Variants in ATXN7 observed in about 807,000 individuals in gnomAD.
The protein encoded by ATXN7 is ataxin 7, also known as ataxin-7.
A neutral mutation model predicts 70.5 loss-of-function variants in ATXN7; 12 were observed. The observed-to-expected ratio is 0.17, with a 90% CI of 0.11 to 0.28. ATXN7 has a LOEUF of 0.28. ATXN7 is among the 10% of genes least tolerant of loss of function. ATXN7 has a pLI of 1.00. For missense variants in ATXN7, 1,256 were observed against 1,131.7 expected, an observed-to-expected ratio of 1.11 and a Z score of -1.58; for synonymous variants, 498 against 448.7, an observed-to-expected ratio of 1.11 and a Z score of -1.39.
chr3:63,944,630 T>C (rs763136588), intron 4 of ATXN7, among the ~76,000 whole-genome samples: 18 of 152,214 alleles, frequency 1.2e-4, no homozygotes, highest in Non-Finnish European at 2.4e-4. Context: ...CACAGGTAAC[T>C]CACACCTCAG....
intron 1 of ATXN7, among the ~76,000 whole-genome samples, chr3:63,887,186 A>G (rs1384179000): frequency 6.6e-6 from 1 of 152,200 alleles, no homozygotes; most frequent in Non-Finnish European, 1.5e-5. Context: ...ACAGGGAATC[A>G]GGGGGCATGT....
intron 5 of ATXN7, among the ~76,000 whole-genome samples, chr3:63,978,012 T>G (rs2075419097): frequency 6.6e-6 from 1 of 152,234 alleles, no homozygotes; most frequent in Admixed American, 6.5e-5. Context: ...TTTAGTGCCT[T>G]GTAGCAGGCA....
chr3:63,953,305 C>T (rs1469329641), intron 5 of ATXN7, among the ~76,000 whole-genome samples: 2 of 152,018 alleles, frequency 1.3e-5, no homozygotes, highest in Non-Finnish European at 2.9e-5. Context: ...AGGAGCAACT[C>T]GGGCAGCAAT....
intron 1 of ATXN7, among the ~76,000 whole-genome samples, chr3:63,876,813 A>G (rs182184129): frequency 6.6e-6 from 1 of 152,326 alleles, no homozygotes; most frequent in Non-Finnish European, 1.5e-5. Context: ...TTTGTAGTGG[A>G]GGAAACACCA....
Position 63,955,631 on chromosome 3 carries a change from G to A in ATXN7, c.499+3148G>A, listed in dbSNP as rs1240416189. Among the ~76,000 whole-genome samples the A allele has an allele frequency of 3.9e-5, 6 of 152,334 alleles. No homozygotes were observed. In the East Asian group the frequency reaches 9.6e-4, roughly 24 times the overall value. ...TTTTGTTGAAATTTTTAGAAAGCCA[G>A]TTGTTGCATTATTGTTTTCCACAGT... On this transcript the variant is annotated intron_variant, in intron 5 of 12. Transcript: ENST00000674280.
intron 4 of ATXN7, among the ~76,000 whole-genome samples, chr3:63,932,838 C>A (rs773766236): frequency 8.5e-5 from 13 of 152,148 alleles, no homozygotes; most frequent in African/African-American, 1.2e-4. Context: ...CTGCTCCTTG[C>A]TTTTTGTGTT....
At chr3:63,865,385 A>G (rs982849765) in intron 1 of ATXN7, 2 of 152,202 alleles carry the variant, frequency 1.3e-5, no homozygotes, top group Non-Finnish European at 2.9e-5. Context: ...CCCCTAAGGT[A>G]TGAAGTTTCC....
chr3:63,938,335 A>G (rs2074699642), intron 4 of ATXN7, among the ~76,000 whole-genome samples: 3 of 152,246 alleles, frequency 2.0e-5, no homozygotes, highest in African/African-American at 7.2e-5. Context: ...GATCAAAACA[A>G]ACTTGCATTT....
At chr3:63,978,626 G>A (rs1011315009) in intron 5 of ATXN7, among the ~76,000 whole-genome samples, 3 of 152,180 alleles carry the variant, frequency 2.0e-5, no homozygotes, top group East Asian at 1.9e-4. Flanking sequence ...AAAGCAAAAG[G>A]CACTTATAAA....
chr3:63,898,614 CTCAAATG>C (rs1237310038), intron 2 of ATXN7, 117 bp downstream of exon 2: 1 of 152,108 alleles, frequency 6.6e-6, no homozygotes, highest in Non-Finnish European at 1.5e-5. Context: ...TGTGTAAGAT[CTCAAATG>C]TTAAATGTAA....
chr3:63,947,248 G>A (rs978589154), intron 4 of ATXN7, among the ~76,000 whole-genome samples: 8 of 152,294 alleles, frequency 5.3e-5, no homozygotes, highest in Non-Finnish European at 2.9e-5. Flanking sequence ...GTCCTTTGAA[G>A]TACCCAGTGA....
At chr3:63,910,537 G>A (rs1703975222) in intron 2 of ATXN7, among the ~76,000 whole-genome samples, 1 of 152,132 alleles carries the variant, frequency 6.6e-6, no homozygotes, top group Admixed American at 6.5e-5. Flanking sequence ...ATGAAAAATT[G>A]AAAATCTGCA....
chr3:63,893,836 A>G (rs1442021973), intron 1 of ATXN7, among the ~76,000 whole-genome samples: 4 of 145,954 alleles, frequency 2.7e-5, no homozygotes, highest in African/African-American at 9.9e-5. Flanking sequence ...CACCATTGAA[A>G]AAAGAGGTTG....
chr3:63,966,118 A>G (rs530457371), intron 5 of ATXN7, among the ~76,000 whole-genome samples: 30 of 152,320 alleles, frequency 2.0e-4, no homozygotes, highest in African/African-American at 6.0e-4. Flanking sequence ...ATTTCGTACA[A>G]TCACTGTGTA....
At chr3:63,997,548 C>G (rs544459413) in intron 12 of ATXN7, 1 of 1,301,486 alleles carries the variant, frequency 7.7e-7, no homozygotes, top group Non-Finnish European at 1.1e-6. Context: ...CTGACCTCAC[C>G]TGTAGCTGTT....
Position 63,968,421 on chromosome 3 carries a change from G to A in ATXN7, c.500-11494G>A, listed in dbSNP as rs74606369. Reference sequence around the variant, plus strand: ...CATCTCTCTCTAAAAATGGAGGAACGTTGTAACACGCTTTAACTGTTTGTT... The same window carrying A: ...CATCTCTCTCTAAAAATGGAGGAACATTGTAACACGCTTTAACTGTTTGTT... On this transcript the variant is annotated intron_variant, in intron 5 of 12. Transcript: ENST00000674280. The A allele has an allele frequency of 0.01, 1,562 of 155,124 alleles. 84 individuals are homozygous for A. The East Asian group carries it at 0.12, about 12-fold the overall frequency. The allele number at this position is 155,124 out of a possible 1,614,324, so 9.6% of individuals were successfully genotyped here. A position where few individuals can be genotyped will look rare whatever the true frequency, so the allele number is the denominator to read the frequency against.
intron 12 of ATXN7, chr3:63,998,806 G>GA: frequency 2.4e-5 from 14 of 580,150 alleles, no homozygotes; most frequent in Non-Finnish European, 3.0e-5. Flanking sequence ...TACAAAAGTA[G>GA]GGACCTCTAC....
intron 4 of ATXN7, among the ~76,000 whole-genome samples, chr3:63,941,959 C>T (rs1471827087): frequency 6.6e-6 from 1 of 152,184 alleles, no homozygotes; most frequent in Non-Finnish European, 1.5e-5. Flanking sequence ...TTGGAACTGA[C>T]TGTAGTAAAA....
chr3:63,904,373 C>G (rs900149347), intron 2 of ATXN7: 2 of 152,562 alleles, frequency 1.3e-5, no homozygotes, highest in Admixed American at 6.5e-5. Flanking sequence ...CAAGCCCCCC[C>G]CACTCCCCCG....
Sources: gnomAD v4.1 joint callset for allele counts (sites outside exome capture counted in the v4.1 genomes callset) on GRCh38, gnomAD v4.1.1 for gene constraint, MANE v1.5 for transcripts, NCBI Gene and HGNC (gene_info 2026-07-23, HGNC 2026-07-21) for gene names.